The following FAAH variants were observed in gnomAD, a reference collection of about 807,000 sequenced individuals.
The protein encoded by FAAH is fatty-acid amide hydrolase 1.
FAAH carries 63 observed loss-of-function variants against 69.7 expected under a neutral mutation model. The observed-to-expected ratio is 0.90, with a 90% CI of 0.74 to 1.12. The LOEUF (loss-of-function observed/expected upper bound fraction) is 1.12. Among genes scored for constraint, FAAH ranks in the 50% most tolerant of loss-of-function variants. FAAH has a pLI of 0.00. For missense variants in FAAH, 680 were observed against 755.0 expected, an observed-to-expected ratio of 0.90 and a Z score of 1.16; for synonymous variants, 305 against 324.2, an observed-to-expected ratio of 0.94 and a Z score of 0.64.
chr1:46,402,686 G>GA (rs1159583089), intron 2 of FAAH, among the ~76,000 whole-genome samples: 2 of 148,840 alleles, frequency 1.3e-5, no homozygotes, highest in Non-Finnish European at 3.0e-5. Context: ...CTAATGAAAA[G>GA]AAAAAAAATT....
At chr1:46,409,792 C>G (rs1664872660) in intron 9 of FAAH, among the ~76,000 whole-genome samples, 1 of 152,104 alleles carries the variant, frequency 6.6e-6, no homozygotes, top group Non-Finnish European at 1.5e-5. Flanking sequence ...GAACACAGTC[C>G]CCCTTCCTCC....
chr1:46,408,550 A>C lies in FAAH; in HGVS notation c.1043A>C (p.Glu348Ala). The C allele has an allele frequency of 6.2e-7, 1 of 1,614,200 alleles. No homozygotes were observed. Among genetic ancestry groups the C allele is most frequent in the East Asian group, 2.2e-5 (1 of 44,882 alleles). Reference protein sequence around the residue: ...PSPAMRRAVLETKQSLEAAGH... With the variant: ...PSPAMRRAVLATKQSLEAAGH... ...CCGGCCATGAGGCGGGCCGTGCTGG[A>C]GACCAAACAGAGCCTTGAGGCTGCG... The change falls in exon 8 of 15, where the codon GAG becomes GCG. Residue 348 changes from glutamate (E) to alanine (A), a missense_variant. Transcript: ENST00000243167.
chr1:46,395,823 A>G (rs1436170608), intron 1 of FAAH, among the ~76,000 whole-genome samples: 1 of 152,132 alleles, frequency 6.6e-6, no homozygotes, highest in Non-Finnish European at 1.5e-5. Context: ...AGATATGAGG[A>G]AGGCACCTTG....
intron 6 of FAAH, 55 bp downstream of exon 6, chr1:46,406,133 G>A (rs1279697515): frequency 6.2e-7 from 1 of 1,613,348 alleles, no homozygotes; most frequent in Non-Finnish European, 8.5e-7. Context: ...GGCCTGACCC[G>A]CTTCCGCCCG....
At chr1:46,409,345 C>T (rs1481638767) in intron 9 of FAAH, 147 bp downstream of exon 9, 2 of 697,518 alleles carry the variant, frequency 2.9e-6, no homozygotes, top group South Asian at 1.5e-5. Flanking sequence ...GCTGTCCCTC[C>T]AGCTGGGCAC....
At chr1:46,397,033 G>T (rs1236291368) in intron 1 of FAAH, among the ~76,000 whole-genome samples, 1 of 152,188 alleles carries the variant, frequency 6.6e-6, no homozygotes, top group Non-Finnish European at 1.5e-5. Flanking sequence ...GAGGGCCCTG[G>T]TGGTCAACCC....
intron 7 of FAAH, 117 bp from the exon 8 acceptor site, chr1:46,408,342 T>C: frequency 7.1e-7 from 1 of 1,406,630 alleles, no homozygotes; most frequent in South Asian, 1.2e-5. Context: ...GGGGCTGGCC[T>C]CGCTGACTGC....
At chr1:46,407,508 C>T (rs115003916) in intron 7 of FAAH, among the ~76,000 whole-genome samples, 208 of 152,204 alleles carry the variant, frequency 1.4e-3, no homozygotes, top group South Asian at 8.3e-3. Flanking sequence ...CAGTGGTCAT[C>T]TTCCTCCCAG....
intron 2 of FAAH, among the ~76,000 whole-genome samples, chr1:46,403,444 C>T (rs1664739063): frequency 6.6e-6 from 1 of 152,204 alleles, no homozygotes; most frequent in Non-Finnish European, 1.5e-5. Context: ...CCCCTTTGGC[C>T]ACCCTGGCCC....
intron 7 of FAAH, among the ~76,000 whole-genome samples, chr1:46,406,753 C>G (rs1664806251): frequency 6.6e-6 from 1 of 151,650 alleles, no homozygotes; most frequent in African/African-American, 2.4e-5. Flanking sequence ...AGGCGCCCGG[C>G]ACCACGCCCG....
chr1:46,407,165 C>G (rs1446622169), intron 7 of FAAH, among the ~76,000 whole-genome samples: 1 of 152,068 alleles, frequency 6.6e-6, no homozygotes, highest in Non-Finnish European at 1.5e-5. Context: ...CAGCCTGTTG[C>G]TGAGACAGGC....
At chr1:46,409,056 G>A (rs1464055629) in intron 8 of FAAH, 45 bp from the exon 9 acceptor site, 1 of 1,519,062 alleles carries the variant, frequency 6.6e-7, no homozygotes, top group East Asian at 2.3e-5. Flanking sequence ...GGATCATGAA[G>A]CCAGTTGTTA....
Position 46,410,859 on chromosome 1 carries a change from G to C in FAAH, c.1316+5G>C. Reference sequence around the variant, plus strand: ...CCTCAGCAACATGAAGTCTCGGTAAGGGTTCTTCTGTGTCTAGCTGCCGGC... The same window carrying C: ...CCTCAGCAACATGAAGTCTCGGTAACGGTTCTTCTGTGTCTAGCTGCCGGC... On this transcript the variant is annotated splice_donor_5th_base_variant and intron_variant, in intron 11 of 14. Transcript: ENST00000243167. The surrounding 1 kb of genome is among the most constrained non-coding windows in gnomAD (Gnocchi z 4.9). 1 of 1,614,192 alleles carries C rather than the reference G, an allele frequency of 6.2e-7. No homozygotes were observed.
chr1:46,405,269 C>T lies in FAAH; in HGVS notation c.445-103C>T. 6.2e-7 allele frequency: 1 copy of T among 1,607,704 alleles called. No homozygotes were observed. The highest frequency in any genetic ancestry group is 8.5e-7 in the Non-Finnish European group (1 of 1,178,962). ...CAGGTCCAGAGGCCTTCCGAGGGGA[C>T]ACTGGTATACCTGTTTTGGCCTGTG... On this transcript the variant is annotated intron_variant, in intron 3 of 14. Transcript: ENST00000243167. The surrounding 1 kb of genome is among the most constrained non-coding windows in gnomAD (Gnocchi z 4.1).
Position 46,408,418 on chromosome 1 carries a change from C to G in FAAH, c.952-41C>G, listed in dbSNP as rs1029341241. On this transcript the variant is annotated intron_variant, in intron 7 of 14. Coordinates refer to ENST00000243167, the MANE Select transcript of FAAH (RefSeq NM_001441.3). Reference sequence around the variant, plus strand: ...CTCTAGGGGTCCTGCCTAGGGTTGTCTTCTCCTGACCTGCCCCTGTCCCCT... The same window carrying G: ...CTCTAGGGGTCCTGCCTAGGGTTGTGTTCTCCTGACCTGCCCCTGTCCCCT... The G allele has an allele frequency of 2.5e-6, 4 of 1,613,858 alleles. No homozygotes were observed. In the African/African-American group the frequency reaches 5.3e-5, roughly 22 times the overall value.
chr1:46,413,568 C>A lies in FAAH; in HGVS notation c.1733C>A (p.Ser578Ter). The A allele has an allele frequency of 1.9e-6, 3 of 1,614,060 alleles. No individual in the cohort carries two copies. In the South Asian group the frequency reaches 3.3e-5, roughly 18 times the overall value. ...CGACTGATGACCCCTGAAAAGCAGT[C>A]ATCCTGATGGCTCTGGCTCCAGAGG... ...VERLMTPEKQ[S>*]S is the part of the protein sequence containing the mutation. The change falls in exon 15 of 15, where the codon TCA becomes TAA. Residue 578 changes from serine (S) to a stop codon, truncating the protein, a stop_gained. Coordinates refer to ENST00000243167, the MANE Select transcript of FAAH (RefSeq NM_001441.3). LOFTEE classifies it high-confidence loss of function.
At chr1:46,413,301 C>T (rs371510873) in intron 14 of FAAH, 81 bp downstream of exon 14, 14 of 1,611,042 alleles carry the variant, frequency 8.7e-6, no homozygotes, top group Middle Eastern at 1.7e-4. Context: ...ACCAGCACTG[C>T]GGGTTTGCCA....
intron 1 of FAAH, among the ~76,000 whole-genome samples, chr1:46,397,706 C>CAT (rs1255729724): frequency 6.8e-6 from 1 of 147,464 alleles, no homozygotes; most frequent in Admixed American, 6.8e-5. Flanking sequence ...GGATTACAGG[C>CAT]GCCTGCCACC....
rs1487944022 is a variant in FAAH, at chr1:46,413,770, G to A, written c.*195G>A. On this transcript the variant is annotated 3_prime_UTR_variant, in exon 15 of 15. Coordinates refer to ENST00000243167, the MANE Select transcript of FAAH (RefSeq NM_001441.3). Reference sequence around the variant, plus strand: ...ATCCCTGCTCTGGTCCCCTCTCTTCGTCCTGATCCCTCCACCCCCATGTGG... The same window carrying A: ...ATCCCTGCTCTGGTCCCCTCTCTTCATCCTGATCCCTCCACCCCCATGTGG... 4 of 729,640 alleles carry A rather than the reference G, an allele frequency of 5.5e-6. No individual in the cohort carries two copies. Among genetic ancestry groups the A allele is most frequent in the African/African-American group, 1.7e-5 (1 of 57,190 alleles). 45.2% of individuals were successfully genotyped at this position (729,640 alleles called of 1,614,324 possible).
Sources: gnomAD v4.1 joint callset for allele counts (sites outside exome capture counted in the v4.1 genomes callset) on GRCh38, gnomAD v4.1.1 for gene constraint, Gnocchi (gnomAD v3.1) non-coding constraint, MANE v1.5 for transcripts, NCBI Gene and HGNC (gene_info 2026-07-23, HGNC 2026-07-21) for gene names.